The following FRMD4B variants were observed in gnomAD, a reference collection of about 807,000 sequenced individuals.
FRMD4B encodes FERM domain-containing protein 4B.
Under a neutral mutation model 141.5 loss-of-function variants are expected in FRMD4B, and 74 were observed. That is an observed-to-expected ratio of 0.52 (90% CI 0.43 to 0.63). The LOEUF is 0.63. Among genes scored for constraint, FRMD4B ranks in the 30% least tolerant of loss-of-function variants. The pLI, the probability that FRMD4B is intolerant of heterozygous loss-of-function variation, is 0.00. For missense variants in FRMD4B, 1,366 were observed against 1,253.4 expected (o/e 1.09, Z -1.36); for synonymous variants, 506 against 467.9 (o/e 1.08, Z -1.05).
upstream of FRMD4B, among the ~76,000 whole-genome samples, chr3:69,390,642 C>T (rs939043575): frequency 6.6e-6 from 1 of 152,112 alleles, no homozygotes; most frequent in Non-Finnish European, 1.5e-5. Flanking sequence ...CCTGTAATCC[C>T]AGCACTTTGG....
At chr3:69,236,303 A>C (rs2093345472) in intron 7 of FRMD4B, among the ~76,000 whole-genome samples, 1 of 148,652 alleles carries the variant, frequency 6.7e-6, no homozygotes, top group Admixed American at 6.8e-5. Context: ...ATCTCAGCTC[A>C]CTGCAAGCTC....
chr3:69,423,821 T>C (rs1705025281), intron 2 of FRMD4B, among the ~76,000 whole-genome samples: 1 of 152,172 alleles, frequency 6.6e-6, no homozygotes, highest in Admixed American at 6.5e-5. Flanking sequence ...TCAAGTGGAC[T>C]GTCAAGTGGT....
chr3:69,351,344 T>C (rs1280592879), intron 1 of FRMD4B, among the ~76,000 whole-genome samples: 1 of 152,232 alleles, frequency 6.6e-6, no homozygotes, highest in Non-Finnish European at 1.5e-5. Flanking sequence ...AGTCTCATAC[T>C]TGAATTATGA....
chr3:69,244,114 C>A (rs2093407478), intron 7 of FRMD4B, among the ~76,000 whole-genome samples: 1 of 152,142 alleles, frequency 6.6e-6, no homozygotes, highest in Admixed American at 6.5e-5. Flanking sequence ...CACACACACA[C>A]TTTTACAGTC....
chr3:69,276,003 CT>C (rs1327464479), intron 5 of FRMD4B, among the ~76,000 whole-genome samples: 1 of 152,056 alleles, frequency 6.6e-6, no homozygotes, highest in Non-Finnish European at 1.5e-5. Flanking sequence ...TGTTCTGTGC[CT>C]TCTTTTAACA....
intron 1 of FRMD4B, among the ~76,000 whole-genome samples, chr3:69,486,404 C>A (rs7648079): frequency 6.6e-6 from 1 of 151,294 alleles, no homozygotes; most frequent in Non-Finnish European, 1.5e-5. Flanking sequence ...CAAAGTCCAT[C>A]GTATCTTTCT....
chr3:69,219,519 G>C (rs1235790527), intron 9 of FRMD4B, among the ~76,000 whole-genome samples: 1 of 151,962 alleles, frequency 6.6e-6, no homozygotes, highest in Non-Finnish European at 1.5e-5. Flanking sequence ...ACATCCTAGA[G>C]CCTTAACTAC....
intron 1 of FRMD4B, among the ~76,000 whole-genome samples, chr3:69,332,472 C>T (rs1426977172): frequency 2.6e-5 from 4 of 152,188 alleles, no homozygotes; most frequent in Non-Finnish European, 5.9e-5. Context: ...GTGAGGATGG[C>T]CAAGATCAGG....
rs182628474 is a variant in FRMD4B at position 69,349,079 on chromosome 3, G to T, written c.163-35562C>A. 5.3e-3 allele frequency among the ~76,000 whole-genome samples: 807 copies of T among 152,286 alleles called. 6 individuals carry two copies. The highest frequency in any genetic ancestry group is 0.018 in the African/African-American group (763 of 41,556). On this transcript the variant is annotated intron_variant, in intron 1 of 22. Coordinates refer to ENST00000398540, the MANE Select transcript of FRMD4B (RefSeq NM_015123.3). ...GATTGTATATTTAGAAAACCTCATT[G>T]TCTCAGCCTAAAATCTCCTTAAGCT...
chr3:69,440,707 C>G (rs1435161813), intron 1 of FRMD4B, among the ~76,000 whole-genome samples: 1 of 152,144 alleles, frequency 6.6e-6, no homozygotes, highest in Non-Finnish European at 1.5e-5. Flanking sequence ...ACTTGAGGGG[C>G]TAAGGCACAA....
chr3:69,486,804 T>G (rs1186747117), intron 1 of FRMD4B, among the ~76,000 whole-genome samples: 1 of 152,166 alleles, frequency 6.6e-6, no homozygotes. Context: ...AAGTAGCAAA[T>G]GTTAAGAAGC....
intron 2 of FRMD4B, among the ~76,000 whole-genome samples, chr3:69,403,047 A>T (rs1171597547): frequency 3.9e-5 from 6 of 152,204 alleles, no homozygotes; most frequent in Admixed American, 3.9e-4. Flanking sequence ...CAGTAGCTAG[A>T]TGTTTGGAGG....
At chr3:69,219,663 G>C (rs938288523) in intron 9 of FRMD4B, among the ~76,000 whole-genome samples, 1 of 151,910 alleles carries the variant, frequency 6.6e-6, no homozygotes, top group Non-Finnish European at 1.5e-5. Context: ...AGGATGTGCA[G>C]GTTTGTTACA....
chr3:69,414,784 C>G (rs1704823641), intron 2 of FRMD4B, among the ~76,000 whole-genome samples: 2 of 152,104 alleles, frequency 1.3e-5, no homozygotes, highest in Admixed American at 1.3e-4. Flanking sequence ...GCTGTGTTGT[C>G]CTCCAGGGAC....
At chr3:69,323,874 C>A (rs1055527664) in intron 1 of FRMD4B, among the ~76,000 whole-genome samples, 1 of 151,902 alleles carries the variant, frequency 6.6e-6, no homozygotes, top group African/African-American at 2.4e-5. Flanking sequence ...TATTTCCTAT[C>A]TCATACATCC....
At chr3:69,240,645 C>A (rs182554683) in intron 7 of FRMD4B, among the ~76,000 whole-genome samples, 3 of 152,282 alleles carry the variant, frequency 2.0e-5, no homozygotes, top group Middle Eastern at 3.4e-3. Context: ...GAAGCCCCAA[C>A]TCTTTAATCC....
chr3:69,352,282 G>A (rs1454729048), intron 1 of FRMD4B, among the ~76,000 whole-genome samples: 1 of 152,122 alleles, frequency 6.6e-6, no homozygotes, highest in Admixed American at 6.5e-5. Context: ...GACTGCATTT[G>A]GATAAGATTA....
In FRMD4B at chr3:69,261,398, C is replaced by T. The variant is rs994732984; in HGVS notation, c.502-11299G>A. Among the ~76,000 whole-genome samples, 16 of 152,310 alleles carry T rather than the reference C, an allele frequency of 1.1e-4. No individual in the cohort carries two copies. The South Asian group carries it at 3.3e-3, about 32-fold the overall frequency. On this transcript the variant is annotated intron_variant, in intron 5 of 22. Transcript: ENST00000398540. ...ACACTATTATCTGATTATTAACATG[C>T]AGGATTATGACTGCTTTTAGTGTAT...
chr3:69,300,799 T>C (rs945314534), intron 4 of FRMD4B, among the ~76,000 whole-genome samples: 2 of 152,216 alleles, frequency 1.3e-5, no homozygotes, highest in Admixed American at 6.5e-5. Flanking sequence ...AGTGCAATAG[T>C]GTGATCTTGG....
Sources: gnomAD v4.1 joint callset for allele counts (sites outside exome capture counted in the v4.1 genomes callset) on GRCh38, gnomAD v4.1.1 for gene constraint, MANE v1.5 for transcripts, NCBI Gene and HGNC (gene_info 2026-07-23, HGNC 2026-07-21) for gene names.